KIAA1217: variants seen among roughly 807,000 people sequenced by gnomAD.
KIAA1217 encodes the protein sickle tail protein homolog.
A neutral mutation model predicts 163.9 loss-of-function variants in KIAA1217; 88 were observed. The observed-to-expected ratio is 0.54, with a 90% confidence interval of 0.45 to 0.64. KIAA1217 has a LOEUF of 0.64. Among genes scored for constraint, KIAA1217 ranks in the 30% least tolerant of loss-of-function variants. The pLI is 0.00. For missense variants in KIAA1217, 2,372 were observed against 2,475.0 expected (o/e 0.96, Z 0.88); for synonymous variants, 903 against 923.1 (o/e 0.98, Z 0.39).
At chr10:23,749,376 T>C (rs1039072906) in intron 1 of KIAA1217, among the ~76,000 whole-genome samples, 1 of 152,204 alleles carries the variant, frequency 6.6e-6, no homozygotes, top group Non-Finnish European at 1.5e-5. Flanking sequence ...CTGCCATCTT[T>C]ACCCATTTCT....
chr10:24,257,134 G>A (rs1233043985), intron 2 of KIAA1217, among the ~76,000 whole-genome samples: 2 of 152,218 alleles, frequency 1.3e-5, no homozygotes, highest in Non-Finnish European at 2.9e-5. Flanking sequence ...AAAAGGCAGT[G>A]TAATGACTTC....
intron 3 of KIAA1217, among the ~76,000 whole-genome samples, chr10:24,383,965 C>A (rs747275429): frequency 1.3e-5 from 2 of 152,232 alleles, no homozygotes; most frequent in African/African-American, 2.4e-5. Flanking sequence ...CCCCGCCTGC[C>A]TGGCCTTATT....
At position 23,754,628 on chromosome 10, in the gene KIAA1217, CTATCCTT is replaced by C. The variant is rs578052838; in HGVS notation, c.-321+59396_-321+59402del. Among the ~76,000 whole-genome samples, 7 of 152,340 alleles carry C rather than the reference CTATCCTT, an allele frequency of 4.6e-5. No individual in the cohort carries two copies. The East Asian group carries it at 1.4e-3, about 29-fold the overall frequency. On this transcript the variant is annotated intron_variant, in intron 1 of 18. Transcript: ENST00000376462. ...GCCTTCATAGCTTCTCCCGCTCTCT[CTATCCTT>C]TTTATCTTTAATGTCCTGCATCTCG... is the stretch of plus-strand genomic sequence containing the variant.
chr10:24,407,249 T>G (rs2057310992), intron 3 of KIAA1217, among the ~76,000 whole-genome samples: 1 of 148,002 alleles, frequency 6.8e-6, no homozygotes, highest in Non-Finnish European at 1.5e-5. Context: ...GTGTCCTTGA[T>G]GAAGATACGT....
rs181748739 is a variant in KIAA1217 at position 24,088,851 on chromosome 10, A to G, written c.-171+81477A>G. Among the ~76,000 whole-genome samples, 42 of 124,586 alleles carry G rather than the reference A, an allele frequency of 3.4e-4. 2 individuals carry two copies. In the East Asian group the frequency reaches 5.3e-3, roughly 16 times the overall value. 81.7% of individuals were successfully genotyped at this position (124,586 alleles called of 152,430 possible). ...GGTGAAATGGTATTTCCAGTTCTAG[A>G]TCCCTGAGGAATCGCCACACTGACT... On this transcript the variant is annotated intron_variant, in intron 2 of 18. Coordinates refer to the KIAA1217 transcript ENST00000376462.
At chr10:24,320,877 A>G (rs1433505056) in intron 2 of KIAA1217, among the ~76,000 whole-genome samples, 1 of 151,968 alleles carries the variant, frequency 6.6e-6, no homozygotes, top group Non-Finnish European at 1.5e-5. Flanking sequence ...CCCTGTCTCT[A>G]CTAAAAATAC....
intron 2 of KIAA1217, among the ~76,000 whole-genome samples, chr10:24,097,163 G>T (rs930739822): frequency 1.3e-5 from 2 of 152,166 alleles, no homozygotes; most frequent in African/African-American, 4.8e-5. Context: ...GAGGAATATA[G>T]CCTGGATTAG....
chr10:23,791,199 T>A (rs1297720634), intron 1 of KIAA1217, among the ~76,000 whole-genome samples: 16 of 152,242 alleles, frequency 1.1e-4, no homozygotes, highest in Admixed American at 1.0e-3. Context: ...TTTCTGGTCA[T>A]AATAATTGCT....
At chr10:24,258,623 C>T (rs549182806) in intron 2 of KIAA1217, among the ~76,000 whole-genome samples, 69 of 149,846 alleles carry the variant, frequency 4.6e-4, no homozygotes, top group African/African-American at 1.5e-3. Context: ...GACGGAGTCT[C>T]GCTCTGTCAC....
intron 1 of KIAA1217, among the ~76,000 whole-genome samples, chr10:23,748,436 T>C (rs1251383869): frequency 2.1e-5 from 3 of 140,964 alleles, no homozygotes; most frequent in African/African-American, 8.4e-5. Flanking sequence ...CAAGAAATGC[T>C]TCTGGAAGGA....
At chr10:24,160,625 C>T (rs1404309262) in intron 2 of KIAA1217, among the ~76,000 whole-genome samples, 2 of 152,252 alleles carry the variant, frequency 1.3e-5, no homozygotes, top group East Asian at 3.9e-4. Flanking sequence ...TAAAGAAGTT[C>T]TGCAAATGGA....
At chr10:23,753,917 C>T (rs552641028) in intron 1 of KIAA1217, among the ~76,000 whole-genome samples, 17 of 152,274 alleles carry the variant, frequency 1.1e-4, no homozygotes, top group Non-Finnish European at 1.8e-4. Context: ...CCCTCCTAGT[C>T]CTCCTGAGAA....
chr10:23,934,579 A>ATATATG (rs1554826370), intron 1 of KIAA1217, among the ~76,000 whole-genome samples: 3 of 59,784 alleles, frequency 5.0e-5, no homozygotes, highest in South Asian at 4.2e-4. Context: ...ATATATATAT[A>ATATATG]TATATATATA....
At chr10:24,050,016 G>A (rs1396865649) in intron 2 of KIAA1217, among the ~76,000 whole-genome samples, 1 of 152,158 alleles carries the variant, frequency 6.6e-6, no homozygotes, top group Admixed American at 6.5e-5. Context: ...GGCATGAGAT[G>A]GTATCTCATT....
At chr10:23,958,870 T>C (rs1249531127) in intron 1 of KIAA1217, among the ~76,000 whole-genome samples, 1 of 151,428 alleles carries the variant, frequency 6.6e-6, no homozygotes, top group African/African-American at 2.4e-5. Context: ...GCAGACAGGC[T>C]CTTCCTGAGC....
intron 1 of KIAA1217, among the ~76,000 whole-genome samples, chr10:23,728,483 A>T (rs1588674737): frequency 6.8e-6 from 1 of 148,026 alleles, no homozygotes; most frequent in East Asian, 2.0e-4. Context: ...ATGTCTGTTC[A>T]TATCCTTTGC....
intron 2 of KIAA1217, among the ~76,000 whole-genome samples, chr10:24,051,960 A>G (rs1286470556): frequency 6.6e-6 from 1 of 152,068 alleles, no homozygotes; most frequent in Non-Finnish European, 1.5e-5. Flanking sequence ...TAGTTTAATT[A>G]GGTCCCATTT....
At chr10:24,098,582 G>T (rs2062256258) in intron 2 of KIAA1217, among the ~76,000 whole-genome samples, 1 of 152,170 alleles carries the variant, frequency 6.6e-6, no homozygotes, top group Non-Finnish European at 1.5e-5. Flanking sequence ...CTTTCTGGCA[G>T]CTCAGGGACT....
intron 5 of KIAA1217, among the ~76,000 whole-genome samples, chr10:24,458,310 A>G (rs1187337229): frequency 6.6e-6 from 1 of 152,172 alleles, no homozygotes; most frequent in East Asian, 1.9e-4. Context: ...TTTGAAATGG[A>G]GCAGTCTTGT....
Sources: gnomAD v4.1 joint callset for allele counts (sites outside exome capture counted in the v4.1 genomes callset) on GRCh38, gnomAD v4.1.1 for gene constraint, MANE v1.5 for transcripts, NCBI Gene and HGNC (gene_info 2026-07-23, HGNC 2026-07-21) for gene names.